The following MYLK variants were observed in gnomAD, a reference collection of about 807,000 sequenced individuals.
MYLK encodes myosin light chain kinase, smooth muscle.
A neutral mutation model predicts 203.4 loss-of-function variants in MYLK; 106 were observed. That is an observed-to-expected ratio of 0.52 (90% CI 0.45 to 0.61). MYLK has a LOEUF of 0.61. Ranked by LOEUF, MYLK falls within the 20% of genes least tolerant of loss-of-function variation. The pLI, the probability that MYLK is intolerant of heterozygous loss-of-function variation, is 0.00. For synonymous variants in MYLK, 867 were observed against 959.5 expected (o/e 0.90, Z 1.78); for missense variants, 2,072 against 2,442.3 (o/e 0.85, Z 3.20).
Position 123,791,867 on chromosome 3 carries a change from A to G in MYLK, c.165+1810T>C, listed in dbSNP as rs147682986. Among the ~76,000 whole-genome samples the G allele has an allele frequency of 1.7e-3, 260 of 152,380 alleles. 2 individuals carry two copies. The highest frequency in any genetic ancestry group is 5.7e-3 in the African/African-American group (239 of 41,590). On this transcript the variant is annotated intron_variant, in intron 4 of 33. Transcript: ENST00000360304. ...TGTAAATTTCAACTCCTTAAGAAAA[A>G]TACTGTCTTACCAAAGTATACTTTC...
intron 3 of MYLK, among the ~76,000 whole-genome samples, chr3:123,820,611 TTTCCTTCC>T (rs71142760): frequency 8.0e-4 from 109 of 136,246 alleles, no homozygotes; most frequent in African/African-American, 2.4e-3. Flanking sequence ...CAGTGATTGA[TTTCCTTCC>T]TTCCTTCCTT....
At chr3:123,724,672 C>T (rs2605420) in intron 12 of MYLK, among the ~76,000 whole-genome samples, 127,305 of 152,160 alleles carry the variant, frequency 0.84, 56,905 homozygotes, top group Non-Finnish European at 0.99. Flanking sequence ...ACATCAATGA[C>T]GCAGACACAA....
chr3:123,680,143 C>T (rs559928480), intron 20 of MYLK, among the ~76,000 whole-genome samples: 13 of 152,326 alleles, frequency 8.5e-5, no homozygotes, highest in Admixed American at 3.9e-4. Flanking sequence ...GCTCCAGACT[C>T]GGACAGTGAC....
chr3:123,726,085 G>A lies in MYLK; in HGVS notation c.1517-7C>T, dbSNP rs1295643109. On this transcript the variant is annotated splice_polypyrimidine_tract_variant and splice_region_variant and intron_variant, in intron 11 of 33. Transcript: ENST00000360304. ...ACCTCCATCACGGCAAGCCCTGTGA[G>A]GGAAAAGGACAGGTCAGCTCAGATC... The A allele has an allele frequency of 5.6e-6, 9 of 1,614,016 alleles. No homozygotes were observed. Among genetic ancestry groups the A allele is most frequent in the Non-Finnish European group, 7.6e-6 (9 of 1,180,020 alleles).
At position 123,614,072 on chromosome 3, in the gene MYLK, A is replaced by G; in HGVS notation, c.*33T>C. On this transcript the variant is annotated 3_prime_UTR_variant, in exon 34 of 34. Coordinates refer to ENST00000360304, the MANE Select transcript of MYLK (RefSeq NM_053025.4). ...GTTTTAGAGAAATAGTCCTTTTAAT[A>G]TGACTTAGAAACTGCTTTTCTCTGG... 2 of 1,597,834 alleles carry G rather than the reference A, an allele frequency of 1.3e-6. No individual in the cohort carries two copies. The highest frequency in any genetic ancestry group is 1.7e-6 in the Non-Finnish European group (2 of 1,172,504).
chr3:123,687,460 T>C (rs1331687497), intron 19 of MYLK, among the ~76,000 whole-genome samples: 1 of 152,138 alleles, frequency 6.6e-6, no homozygotes, highest in Non-Finnish European at 1.5e-5. Context: ...GATGAGGCTA[T>C]TGTTACTATC....
intron 3 of MYLK, among the ~76,000 whole-genome samples, chr3:123,828,822 T>C (rs2066227072): frequency 6.6e-6 from 1 of 152,098 alleles, no homozygotes; most frequent in Non-Finnish European, 1.5e-5. Context: ...AGAAGAAATA[T>C]AAATTGCCAA....
At chr3:123,638,045 A>C in intron 29 of MYLK, 26 bp downstream of exon 29, 1 of 1,613,062 alleles carries the variant, frequency 6.2e-7, no homozygotes, top group East Asian at 2.2e-5. Flanking sequence ...GTGGTCCACC[A>C]GTCCACCAAG....
intron 4 of MYLK, among the ~76,000 whole-genome samples, chr3:123,760,720 T>C (rs2063508337): frequency 6.6e-6 from 1 of 152,184 alleles, no homozygotes. Flanking sequence ...TTCATTCTTA[T>C]AGACAACTTC....
intron 4 of MYLK, among the ~76,000 whole-genome samples, chr3:123,767,497 C>T (rs982995685): frequency 4.6e-5 from 7 of 152,212 alleles, no homozygotes; most frequent in African/African-American, 1.7e-4. Flanking sequence ...ATCCCAGATA[C>T]TCAGGTGGCT....
In MYLK at chr3:123,752,349, C is replaced by T. The variant is rs762311378; in HGVS notation, c.355G>A (p.Val119Met). The T allele has an allele frequency of 1.9e-6, 3 of 1,614,166 alleles. No individual in the cohort carries two copies. The highest frequency in any genetic ancestry group is 1.7e-6 in the Non-Finnish European group (2 of 1,180,034). Residue 119 changes from valine (V) to methionine (M), a missense_variant, in exon 5 of 34, where the codon GTG (valine) becomes ATG (methionine). Physicochemically the swap from Val to Met is conservative, Grantham distance 21. Around this residue, in one of 3 missense-constraint regions of MYLK, gnomAD observed 683 missense variants for 643.8 expected, o/e 1.06. Coordinates refer to ENST00000360304, the MANE Select transcript of MYLK (RefSeq NM_053025.4). ...GACTCACCTTCTACTGTCAACTCCA[C>T]TGTCACCTGGCGAGCACCACTGCCA... ...TNGSGARQVT[V>M]ELTVEGSFAK...
intron 4 of MYLK, among the ~76,000 whole-genome samples, chr3:123,757,163 T>C (rs1404294961): frequency 6.6e-6 from 1 of 152,220 alleles, no homozygotes; most frequent in African/African-American, 2.4e-5. Context: ...GCAAAACATC[T>C]GTTAGAGCAC....
intron 16 of MYLK, among the ~76,000 whole-genome samples, chr3:123,705,393 C>T (rs1430106013): frequency 6.6e-6 from 1 of 152,206 alleles, no homozygotes; most frequent in East Asian, 1.9e-4. Flanking sequence ...TGTGGTTTCC[C>T]AGGTCCTTCC....
chr3:123,771,776 A>G (rs2063891919), intron 4 of MYLK, among the ~76,000 whole-genome samples: 1 of 152,194 alleles, frequency 6.6e-6, no homozygotes, highest in Non-Finnish European at 1.5e-5. Flanking sequence ...CAGAACACTT[A>G]CATTAGCTTA....
At chr3:123,843,298 G>A (rs573542571) in intron 2 of MYLK, among the ~76,000 whole-genome samples, 1 of 152,282 alleles carries the variant, frequency 6.6e-6, no homozygotes, top group East Asian at 1.9e-4. Flanking sequence ...GCAAATTGGG[G>A]CACAGTTTAA....
intron 4 of MYLK, among the ~76,000 whole-genome samples, chr3:123,754,900 A>G (rs977590251): frequency 2.0e-5 from 3 of 152,232 alleles, no homozygotes; most frequent in Non-Finnish European, 4.4e-5. Flanking sequence ...CATGCAAATA[A>G]ATGTTATGCA....
chr3:123,803,311 T>C (rs575218889), intron 3 of MYLK, among the ~76,000 whole-genome samples: 86 of 152,338 alleles, frequency 5.6e-4, no homozygotes, highest in African/African-American at 2.0e-3. Flanking sequence ...ATGGTGTTAC[T>C]GCTTTTATGA....
At chr3:123,826,236 A>G (rs974372593) in intron 3 of MYLK, among the ~76,000 whole-genome samples, 1 of 152,158 alleles carries the variant, frequency 6.6e-6, no homozygotes, top group Non-Finnish European at 1.5e-5. Flanking sequence ...TCCCAGCCTG[A>G]GATATAGCCC....
intron 2 of MYLK, among the ~76,000 whole-genome samples, chr3:123,863,368 C>CAA (rs35039876): frequency 1.4e-3 from 43 of 29,852 alleles, no homozygotes; most frequent in African/African-American, 4.0e-3. Context: ...ATAGCCTTGC[C>CAA]AAAAAAAAAA....
Sources: gnomAD v4.1 joint callset for allele counts (sites outside exome capture counted in the v4.1 genomes callset) on GRCh38, gnomAD v4.1.1 for gene constraint, gnomAD v4.1.1 regional missense constraint, MANE v1.5 for transcripts, NCBI Gene and HGNC (gene_info 2026-07-23, HGNC 2026-07-21) for gene names.